The following INF2 variants were observed in gnomAD, a reference collection of about 807,000 sequenced individuals.
The protein encoded by INF2 is inverted formin-2.
A neutral mutation model predicts 123.5 loss-of-function variants in INF2; 43 were observed. The observed-to-expected ratio is 0.35, with a 90% CI of 0.27 to 0.45. The LOEUF (loss-of-function observed/expected upper bound fraction) is 0.45. INF2 is among the 20% of genes least tolerant of loss of function. INF2 has a pLI of 1.00. For missense variants in INF2, 1,453 were observed against 1,682.7 expected, an observed-to-expected ratio of 0.86 and a Z score of 2.39; for synonymous variants, 851 against 745.0, an observed-to-expected ratio of 1.14 and a Z score of -2.32.
intron 1 of INF2, among the ~76,000 whole-genome samples, chr14:104,698,445 C>T (rs1341684178): frequency 1.3e-5 from 2 of 152,200 alleles, no homozygotes; most frequent in Non-Finnish European, 2.9e-5. Context: ...GAGTGGGAAG[C>T]CTCATGGTTT....
chr14:104,698,310 G>C (rs911031448), intron 1 of INF2, among the ~76,000 whole-genome samples: 1 of 152,216 alleles, frequency 6.6e-6, no homozygotes, highest in African/African-American at 2.4e-5. Context: ...ATTCCTTCTG[G>C]AATCCTTGCA....
At position 104,709,204 on chromosome 14, in the gene INF2, C is replaced by T. The variant is rs1889925140; in HGVS notation, c.1950-77C>T. 4 of 1,141,292 alleles carry T rather than the reference C, an allele frequency of 3.5e-6. No individual in the cohort carries two copies. The Admixed American group carries it at 7.7e-5, about 22-fold the overall frequency. The allele number at this position is 1,141,292 out of a possible 1,614,324, so 70.7% of individuals were successfully genotyped here. A position where few individuals can be genotyped will look rare whatever the true frequency, so the allele number is the denominator to read the frequency against. ...CCATGACTACGTGGGGAAACCCTGC[C>T]AGGTGGGGTCCCAAAGAGGCTGGGT... On this transcript the variant is annotated intron_variant, in intron 10 of 22. Transcript: ENST00000392634.
upstream of INF2, among the ~76,000 whole-genome samples, chr14:104,688,337 G>A (rs1054563287): frequency 3.6e-4 from 55 of 152,224 alleles, 1 homozygote; most frequent in Admixed American, 3.0e-3. Context: ...CCTGCAATTC[G>A]GCGCTTATCC....
intron 4 of INF2, 128 bp downstream of exon 4, chr14:104,703,582 G>A: frequency 7.7e-7 from 1 of 1,304,718 alleles, no homozygotes; most frequent in South Asian, 1.2e-5. Context: ...CCAGAGGAAG[G>A]CGCCATCTCG....
chr14:104,707,066 CA>C lies in INF2; in HGVS notation c.985+16del, dbSNP rs1424816146. 3 of 1,569,648 alleles carry C rather than the reference CA, an allele frequency of 1.9e-6. No homozygotes were observed. Among genetic ancestry groups the C allele is most frequent in the Admixed American group, 1.8e-5 (1 of 56,262 alleles). On this transcript the variant is annotated intron_variant, in intron 7 of 22. Transcript: ENST00000392634. ...GGCCAGCGATGGTGAGGGGGCGGGGCAGGGGCGTAGGCACAGCCTGGTGGGC... is the reference window on the plus strand; with the variant it reads ...GGCCAGCGATGGTGAGGGGGCGGGGCGGGGCGTAGGCACAGCCTGGTGGGC...
In INF2 at chr14:104,701,628, G is replaced by T; in HGVS notation, c.263G>T (p.Gly88Val). 1 of 1,601,782 alleles carries T rather than the reference G, an allele frequency of 6.2e-7. No homozygotes were observed. The highest frequency in any genetic ancestry group is 8.5e-7 in the Non-Finnish European group (1 of 1,177,008). ...LEALARLSGR[G>V]VARISDALLQ... ...GCGCTGGCGCGGCTGTCGGGCCGCGGCGTTGCACGTATCTCCGACGCCCTG... is the reference window on the plus strand; with the variant it reads ...GCGCTGGCGCGGCTGTCGGGCCGCGTCGTTGCACGTATCTCCGACGCCCTG... Residue 88 changes from glycine to valine, a missense_variant, in exon 2 of 23, where the codon GGC becomes GTC. Around this residue, in one of 8 missense-constraint regions of INF2, gnomAD observed 251 missense variants for 349.4 expected, o/e 0.72. Coordinates refer to ENST00000392634, the MANE Select transcript of INF2 (RefSeq NM_022489.4).
intron 1 of INF2, among the ~76,000 whole-genome samples, chr14:104,682,060 C>A (rs895770920): frequency 6.6e-5 from 10 of 152,160 alleles, no homozygotes; most frequent in African/African-American, 2.2e-4. Flanking sequence ...GCCTGTGCGG[C>A]GGCATGGGAA....
At chr14:104,708,179 G>A in intron 8 of INF2, 177 bp downstream of exon 8, 1 of 1,050,316 alleles carries the variant, frequency 9.5e-7, no homozygotes, top group Non-Finnish European at 1.4e-6. Context: ...CGGGGGAGGA[G>A]CAGGGCAGGG....
rs769014945 is a variant in INF2 at position 104,707,882 on chromosome 14, G to A, written c.1615G>A (p.Val539Met). The change falls in exon 8 of 23, where the codon GTG (valine) becomes ATG (methionine). Residue 539 changes from valine to methionine, a missense_variant. This residue lies in a region of INF2 where 374 missense variants were observed against 303.7 expected (regional missense o/e 1.23). Coordinates refer to ENST00000392634, the MANE Select transcript of INF2 (RefSeq NM_022489.4). Reference protein sequence around the residue: ...PVAGGMEEVIVAQVDHGLGSA... With the variant: ...PVAGGMEEVIMAQVDHGLGSA... ...GGCGGGAGGCATGGAGGAGGTCATCGTGGCCCAGGTGGACCATGGCTTGGG... is the reference window on the plus strand; with the variant it reads ...GGCGGGAGGCATGGAGGAGGTCATCATGGCCCAGGTGGACCATGGCTTGGG... The A allele has an allele frequency of 1.7e-5, 28 of 1,605,622 alleles. No homozygotes were observed. The highest frequency in any genetic ancestry group is 2.7e-5 in the African/African-American group (2 of 74,692).
Position 104,699,315 on chromosome 14 carries a change from G to C in INF2, c.-9-2042G>C. 1 of 818,706 alleles carries C rather than the reference G, an allele frequency of 1.2e-6. No individual in the cohort carries two copies. The highest frequency in any genetic ancestry group is 1.5e-6 in the Non-Finnish European group (1 of 678,342). 50.7% of individuals were successfully genotyped at this position (818,706 alleles called of 1,614,324 possible). ...GACAGGGACTCCGGCCAATGGAGGC[G>C]GGGGAGGAAAGGAGGGTCAGTTCTG... On this transcript the variant is annotated intron_variant, in intron 1 of 22. Transcript: ENST00000392634. This position sits in a 1 kb window ranked among gnomAD's most constrained non-coding sequence, Gnocchi z 4.7.
rs756383109 is a variant in INF2, at chr14:104,714,768, G to A, written c.3606G>A (p.Ser1202=). The part of the protein sequence containing the change: ...SFSEDAVTDS[S]GSGTLPRARG... ...CCGAGGATGCGGTGACCGACTCCTCGGGGTCGGGCACACTCCCCAGGGCCC... is the reference window on the plus strand; with the variant it reads ...CCGAGGATGCGGTGACCGACTCCTCAGGGTCGGGCACACTCCCCAGGGCCC... Residue 1202 remains serine, a synonymous_variant, in exon 21 of 23, where the codon TCG becomes TCA. Coordinates refer to ENST00000392634, the MANE Select transcript of INF2 (RefSeq NM_022489.4). The A allele has an allele frequency of 3.9e-5, 62 of 1,599,224 alleles. No individual in the cohort carries two copies. Among genetic ancestry groups the A allele is most frequent in the Non-Finnish European group, 5.0e-5 (59 of 1,173,972 alleles).
rs942393807 is a variant in INF2, at chr14:104,713,288, C to T, written c.2857C>T (p.Arg953Trp). 5.3e-5 allele frequency: 82 copies of T among 1,550,218 alleles called. No individual in the cohort carries two copies. The highest frequency in any genetic ancestry group is 6.1e-5 in the Non-Finnish European group (70 of 1,147,522). ...QLAEEEARRP[R>W]GEDGKPVRKG... is the part of the protein sequence containing the mutation. ...GGCGGAGGAGGAGGCGCGGCGGCCT[C>T]GGGGAGAGGACGGGAAGCCTGGTGA... Residue 953 changes from arginine (R) to tryptophan (W), a missense_variant, in exon 19 of 23, where the codon CGG becomes TGG. Transcript: ENST00000392634.
rs776314008 is a variant in INF2, at chr14:104,712,900, G to A, written c.2683G>A (p.Asp895Asn). Residue 895 changes from aspartate to asparagine, a missense_variant, in exon 18 of 23, where the codon GAC becomes AAC. Asp to Asn is a conservative substitution (Grantham distance 23). Transcript: ENST00000392634. ...AIEQKQRELA[D>N]YLCEDAQQLS... is the part of the protein sequence containing the mutation. ...CGAGCAGAAGCAACGGGAGCTGGCC[G>A]ACTACCTGTGTGAGGACGCCCAGCA... 67 of 1,612,580 alleles carry A rather than the reference G, an allele frequency of 4.2e-5. No individual in the cohort carries two copies. The East Asian group carries it at 5.6e-4, about 13-fold the overall frequency.
rs764745995 is a variant in INF2, at chr14:104,713,429, G to A, written c.2879-16G>A. On this transcript the variant is annotated splice_polypyrimidine_tract_variant and intron_variant, in intron 19 of 22. Transcript: ENST00000392634. ...CAGGGTCCCATGCCGCTCTCTGAGTGCCCCACGCTCCTCAGTCAGGAAGGG... is the reference window on the plus strand; with the variant it reads ...CAGGGTCCCATGCCGCTCTCTGAGTACCCCACGCTCCTCAGTCAGGAAGGG... The A allele has an allele frequency of 6.2e-7, 1 of 1,606,966 alleles. No homozygotes were observed. The highest frequency in any genetic ancestry group is 2.2e-5 in the East Asian group (1 of 44,666).
At chr14:104,702,303 G>A (rs906742025) in intron 2 of INF2, among the ~76,000 whole-genome samples, 6 of 152,092 alleles carry the variant, frequency 3.9e-5, no homozygotes, top group Non-Finnish European at 5.9e-5. Context: ...ACTCGTTCCC[G>A]GCAGGCAGGC....
At chr14:104,705,446 A>G (rs1298128391) in intron 5 of INF2, among the ~76,000 whole-genome samples, 1 of 151,898 alleles carries the variant, frequency 6.6e-6, no homozygotes, top group Admixed American at 6.6e-5. Context: ...GGCCTCAGCA[A>G]AGTTTGCCCA....
At position 104,712,862 on chromosome 14, in the gene INF2, T is replaced by C. The variant is rs756121077; in HGVS notation, c.2645T>C (p.Leu882Pro). Residue 882 changes from leucine (L) to proline (P), a missense_variant, in exon 18 of 23, where the codon CTG (leucine) becomes CCG (proline). Leu to Pro is a moderately conservative substitution (Grantham distance 98). This residue lies in a region of INF2 where 212 missense variants were observed against 266.2 expected (regional missense o/e 0.80). Transcript: ENST00000392634. ...SISAFRALDE[L>P]FEAIEQKQRE... ...TCGGCCTTCCGGGCACTGGATGAGCTGTTTGAGGCCATCGAGCAGAAGCAA... is the reference window on the plus strand; with the variant it reads ...TCGGCCTTCCGGGCACTGGATGAGCCGTTTGAGGCCATCGAGCAGAAGCAA... 5.0e-6 allele frequency: 8 copies of C among 1,612,368 alleles called. No homozygotes were observed. In the Admixed American group the frequency reaches 6.7e-5, roughly 13 times the overall value.
chr14:104,708,476 C>T lies in INF2; in HGVS notation c.1776C>T (p.Ala592=), dbSNP rs745468810. ...GGGCGTCCCTGAGCAGCCCCGACGC[C>T]GAGGCTGTGGAGCCCGACTTCTCCA... is the stretch of plus-strand genomic sequence containing the variant. ...SMWASLSSPD[A]EAVEPDFSSI... The change falls in exon 9 of 23, where the codon GCC becomes GCT. Residue 592 remains alanine (A), a synonymous_variant. Transcript: ENST00000392634. The T allele has an allele frequency of 5.6e-6, 9 of 1,612,520 alleles. No individual in the cohort carries two copies. The highest frequency in any genetic ancestry group is 4.5e-5 in the East Asian group (2 of 44,858).
intron 22 of INF2, among the ~76,000 whole-genome samples, chr14:104,718,035 C>G (rs999799364): frequency 6.6e-6 from 1 of 152,270 alleles, no homozygotes; most frequent in Non-Finnish European, 1.5e-5. Context: ...CTGATCCCCC[C>G]ATCCCTGCAC....
Sources: gnomAD v4.1 joint callset for allele counts (sites outside exome capture counted in the v4.1 genomes callset) on GRCh38, gnomAD v4.1.1 for gene constraint, gnomAD v4.1.1 regional missense constraint, Gnocchi (gnomAD v3.1) non-coding constraint, MANE v1.5 for transcripts, NCBI Gene and HGNC (gene_info 2026-07-23, HGNC 2026-07-21) for gene names.